TTC17: variants seen among roughly 807,000 people sequenced by gnomAD.
TTC17 encodes the protein tetratricopeptide repeat protein 17.
In TTC17, 58 loss-of-function variants were observed where a neutral mutation model predicts 143.8. That is an observed-to-expected ratio of 0.40 (90% CI 0.33 to 0.50). The LOEUF is 0.50. Ranked by LOEUF, TTC17 falls within the 20% of genes least tolerant of loss-of-function variation. The probability of loss-of-function intolerance (pLI) is 0.49; values close to 1 mark genes in which losing one functional copy is unlikely to be tolerated. For missense variants in TTC17, 1,273 were observed against 1,392.5 expected (o/e 0.91, Z 1.37); for synonymous variants, 501 against 497.8 (o/e 1.01, Z -0.09).
intron 1 of TTC17, among the ~76,000 whole-genome samples, chr11:43,365,744 AGTAGGTTGGTG>A (rs911333611): frequency 6.6e-6 from 1 of 152,198 alleles, no homozygotes; most frequent in African/African-American, 2.4e-5. Flanking sequence ...TATCTGATTC[AGTAGGTTGGTG>A]GTAAAGCGAA....
At chr11:43,400,884 A>C (rs1857823771) in intron 9 of TTC17, among the ~76,000 whole-genome samples, 1 of 152,180 alleles carries the variant, frequency 6.6e-6, no homozygotes, top group Non-Finnish European at 1.5e-5. Context: ...AATTAATAGA[A>C]TCTCTTAATT....
chr11:43,391,596 AT>A lies in TTC17; in HGVS notation c.531+33del, dbSNP rs201254262. ...TTGAGAGTAAGTAGAGAACTTTAGG[AT>A]TTTTTTTTTTTTGCGTTGCGTTCTT... On this transcript the variant is annotated intron_variant, in intron 4 of 23. Coordinates refer to ENST00000039989, the MANE Select transcript of TTC17 (RefSeq NM_018259.6). 331 of 1,241,330 alleles carry A rather than the reference AT, an allele frequency of 2.7e-4. No individual in the cohort carries two copies. In the African/African-American group the frequency reaches 2.9e-3, roughly 11 times the overall value. The allele number at this position is 1,241,330 out of a possible 1,614,324, so 76.9% of individuals were successfully genotyped here. A position where few individuals can be genotyped will look rare whatever the true frequency, so the allele number is the denominator to read the frequency against.
chr11:43,474,810 T>A (rs987374849), intron 21 of TTC17, among the ~76,000 whole-genome samples: 1 of 152,126 alleles, frequency 6.6e-6, no homozygotes, highest in Non-Finnish European at 1.5e-5. Context: ...ATATATGTAT[T>A]TTATATTGTA....
intron 2 of TTC17, among the ~76,000 whole-genome samples, chr11:43,384,388 G>A (rs1282548472): frequency 1.3e-5 from 2 of 152,194 alleles, no homozygotes; most frequent in Non-Finnish European, 2.9e-5. Context: ...AGGCACAGTG[G>A]CTCACGCCTG....
chr11:43,410,373 G>A (rs1186106007), intron 15 of TTC17, among the ~76,000 whole-genome samples: 1 of 152,056 alleles, frequency 6.6e-6, no homozygotes, highest in East Asian at 1.9e-4. Context: ...TAGATTTCAA[G>A]TGTTCTCAAT....
rs532166308 is a variant in TTC17, at chr11:43,439,488, G to A, written c.2252-3837G>A. On this transcript the variant is annotated intron_variant, in intron 16 of 23. Transcript: ENST00000039989. ...TTTTTTGGTTTTTTTTTTTTTTTGA[G>A]ATGGAGTCTTGCTGTGTCGCCCAGG... Among the ~76,000 whole-genome samples the A allele has an allele frequency of 2.6e-4, 37 of 143,716 alleles. No individual in the cohort carries two copies. The South Asian group carries it at 2.9e-3, about 11-fold the overall frequency. The allele number at this position is 143,716 out of a possible 152,430, so 94.3% of individuals were successfully genotyped here.
intron 18 of TTC17, chr11:43,445,925 G>T: frequency 8.7e-7 from 1 of 1,152,418 alleles, no homozygotes; most frequent in Non-Finnish European, 1.3e-6. Flanking sequence ...TTCCTTTTTT[G>T]GTTAGGGCTA....
intron 1 of TTC17, among the ~76,000 whole-genome samples, chr11:43,368,950 T>C (rs926336045): frequency 2.4e-4 from 37 of 152,364 alleles, no homozygotes; most frequent in African/African-American, 8.7e-4. Flanking sequence ...ATTCTGCCTT[T>C]GGACCTTTGT....
intron 2 of TTC17, among the ~76,000 whole-genome samples, chr11:43,384,921 C>G (rs1857115326): frequency 6.6e-6 from 1 of 152,112 alleles, no homozygotes. Context: ...GAACAGTGGG[C>G]CTGTCTCAGG....
chr11:43,388,310 G>A (rs1857242737), intron 2 of TTC17, among the ~76,000 whole-genome samples: 1 of 152,012 alleles, frequency 6.6e-6, no homozygotes, highest in African/African-American at 2.4e-5. Flanking sequence ...GATACATTAA[G>A]TATGATACCA....
At position 43,377,777 on chromosome 11, in the gene TTC17, C is replaced by G. The variant is rs553154871; in HGVS notation, c.160-1456C>G. On this transcript the variant is annotated intron_variant, in intron 1 of 23. Coordinates refer to ENST00000039989, the MANE Select transcript of TTC17 (RefSeq NM_018259.6). ...CTTTGTTATCTAGTAACTTTTTAAT[C>G]TAAAGCTAAGATTATGCTTTAAATA... Among the ~76,000 whole-genome samples, 10 of 152,276 alleles carry G rather than the reference C, an allele frequency of 6.6e-5. No individual in the cohort carries two copies. The East Asian group carries it at 1.2e-3, about 18-fold the overall frequency.
In TTC17 at chr11:43,493,844, G is replaced by T; in HGVS notation, c.3366G>T (p.Lys1122Asn). 1 of 1,614,054 alleles carries T rather than the reference G, an allele frequency of 6.2e-7. No homozygotes were observed. The highest frequency in any genetic ancestry group is 8.5e-7 in the Non-Finnish European group (1 of 1,179,982). ...LKLQPEFVPA[K>N]NRIQTIQCHL... The stretch of plus-strand genomic sequence containing the variant: ...TTCAGCCCGAGTTTGTCCCAGCCAA[G>T]AACCGAATCCAGACCATCCAGTGTC... The change falls in exon 24 of 24, where the codon AAG becomes AAT. Residue 1122 changes from lysine to asparagine, a missense_variant. By Grantham distance (94) the Lys-to-Asn change is moderately conservative. Coordinates refer to ENST00000039989, the MANE Select transcript of TTC17 (RefSeq NM_018259.6).
intron 2 of TTC17, among the ~76,000 whole-genome samples, chr11:43,389,173 T>C (rs1200262167): frequency 6.6e-6 from 1 of 151,012 alleles, no homozygotes; most frequent in Non-Finnish European, 1.5e-5. Context: ...GGAGATAAAA[T>C]ATTGGCATAT....
intron 1 of TTC17, among the ~76,000 whole-genome samples, chr11:43,372,808 A>T (rs1393398339): frequency 6.6e-6 from 1 of 152,040 alleles, no homozygotes; most frequent in Non-Finnish European, 1.5e-5. Context: ...TTAGTATAGG[A>T]TGTTCATTGT....
intron 13 of TTC17, 149 bp downstream of exon 13, chr11:43,406,100 G>T (rs1858117702): frequency 1.9e-6 from 2 of 1,034,078 alleles, no homozygotes; most frequent in East Asian, 5.2e-5. Context: ...GTGAAATGAT[G>T]GCGAAGTCAG....
rs769244290 is a variant in TTC17 at position 43,370,208 on chromosome 11, T to G, written c.160-9025T>G. 3.5e-4 allele frequency: 137 copies of G among 391,568 alleles called. 1 individual carries two copies. The highest frequency in any genetic ancestry group is 7.6e-4 in the African/African-American group (36 of 47,680). 24.3% of individuals were successfully genotyped at this position (391,568 alleles called of 1,614,324 possible). ...TGGTTAGACTTGAATCCTGAAGAGA[T>G]AATTCCATGAGAAGTGGAGCAACAG... On this transcript the variant is annotated intron_variant, in intron 1 of 23. Coordinates refer to ENST00000039989, the MANE Select transcript of TTC17 (RefSeq NM_018259.6).
At chr11:43,424,818 C>G (rs1220434540) in intron 16 of TTC17, among the ~76,000 whole-genome samples, 1 of 152,056 alleles carries the variant, frequency 6.6e-6, no homozygotes, top group African/African-American at 2.4e-5. Flanking sequence ...TAGTAGAAAA[C>G]CTTGATGGGC....
At chr11:43,446,273 T>A in intron 18 of TTC17, 1 of 835,108 alleles carries the variant, frequency 1.2e-6, no homozygotes, top group Non-Finnish European at 1.6e-6. Context: ...AACTTCAAAA[T>A]CAAGTGCCAT....
At chr11:43,482,254 AAT>A (rs561484817) in intron 21 of TTC17, among the ~76,000 whole-genome samples, 325 of 143,508 alleles carry the variant, frequency 2.3e-3, no homozygotes, top group Non-Finnish European at 4.1e-3. Flanking sequence ...TTAGGTTTTT[AAT>A]AGTTTTTTTT....
Sources: gnomAD v4.1 joint callset for allele counts (sites outside exome capture counted in the v4.1 genomes callset) on GRCh38, gnomAD v4.1.1 for gene constraint, MANE v1.5 for transcripts, NCBI Gene and HGNC (gene_info 2026-07-23, HGNC 2026-07-21) for gene names.